Variants in AIFM3 observed in about 807,000 individuals in gnomAD.
AIFM3 encodes apoptosis-inducing factor 3.
A neutral mutation model predicts 82.7 loss-of-function variants in AIFM3; 71 were observed. The observed-to-expected ratio is 0.86, with a 90% CI of 0.71 to 1.05. The LOEUF (loss-of-function observed/expected upper bound fraction) is 1.05, where lower values mean the gene tolerates loss of function less well. Among genes scored for constraint, AIFM3 ranks in the 50% least tolerant of loss-of-function variants. AIFM3 has a pLI of 0.00. For missense variants in AIFM3, 748 were observed against 816.7 expected (o/e 0.92, Z 1.03); for synonymous variants, 337 against 329.1 (o/e 1.02, Z -0.26).
chr22:20,968,072 G>GA (rs1923029581), intron 2 of AIFM3, 97 bp downstream of exon 2: 2 of 1,344,202 alleles, frequency 1.5e-6, no homozygotes, highest in Non-Finnish European at 2.0e-6. Context: ...GTAGGCCTCC[G>GA]AAGTAGGTCA....
Position 20,977,949 on chromosome 22 carries a change from C to T in AIFM3, c.1421C>T (p.Ala474Val). 6.2e-7 allele frequency: 1 copy of T among 1,614,180 alleles called. No individual in the cohort carries two copies. The highest frequency in any genetic ancestry group is 8.5e-7 in the Non-Finnish European group (1 of 1,180,026). The change falls in exon 16 of 21, where the codon GCC becomes GTC. Residue 474 changes from alanine (A) to valine (V), a missense_variant. This residue lies in a region of AIFM3 where 393 missense variants were observed against 481.1 expected (regional missense o/e 0.82). Coordinates refer to ENST00000440238, the MANE Select transcript of AIFM3 (RefSeq NM_001386814.1). ...GGCGATGCTGTCACCTTCCCCCTTG[C>T]CTGGAGGAACAACCGCAAAGTGAAC... ...AAGDAVTFPL[A>V]WRNNRKVNIP...
Position 20,973,350 on chromosome 22 carries a change from C to A in AIFM3, c.75C>A (p.Gly25=). Residue 25 remains glycine, a synonymous_variant, in exon 3 of 21, where the codon GGC becomes GGA. Coordinates refer to ENST00000440238, the MANE Select transcript of AIFM3 (RefSeq NM_001386814.1). The stretch of plus-strand genomic sequence containing the variant: ...TGGTGCTGCCTGAGAAGGAGCGAGG[C>A]AAGGAGGAGCTGTCGGCCAGTGGGA... ...IEVVLPEKER[G]KEELSASGKG... 2 of 1,607,388 alleles carry A rather than the reference C, an allele frequency of 1.2e-6. No individual in the cohort carries two copies. Among genetic ancestry groups the A allele is most frequent in the African/African-American group, 1.3e-5 (1 of 74,874 alleles).
At chr22:20,975,513 T>C (rs1923582554) in intron 8 of AIFM3, among the ~76,000 whole-genome samples, 179 bp from the exon 9 acceptor site, 1 of 152,188 alleles carries the variant, frequency 6.6e-6, no homozygotes, top group Non-Finnish European at 1.5e-5. Flanking sequence ...CAAGCGATCC[T>C]CCTGTCTCAG....
chr22:20,971,606 G>A (rs1040640917), intron 2 of AIFM3, among the ~76,000 whole-genome samples: 2 of 152,190 alleles, frequency 1.3e-5, no homozygotes, highest in African/African-American at 4.8e-5. Context: ...AGCCTCTCTG[G>A]GTTCTTGGTT....
chr22:20,970,841 G>A (rs896542095), intron 2 of AIFM3, among the ~76,000 whole-genome samples: 1 of 152,220 alleles, frequency 6.6e-6, no homozygotes, highest in African/African-American at 2.4e-5. Context: ...GGACTCAAGC[G>A]ATCCTCCTGC....
At chr22:20,966,284 C>A (rs1922890915), upstream of AIFM3, among the ~76,000 whole-genome samples, 1 of 152,092 alleles carries the variant, frequency 6.6e-6, no homozygotes, top group Non-Finnish European at 1.5e-5. Context: ...CAGGAAGGGA[C>A]AGCCTAGTGC....
chr22:20,980,071 C>T lies in AIFM3; in HGVS notation c.1704C>T (p.Ser568=). ...GCATGAACTACGATCCCATTGTGTCCAAGGTCGCTGAGGTGCTGGCCTCAG... is the reference window on the plus strand; with the variant it reads ...GCATGAACTACGATCCCATTGTGTCTAAGGTCGCTGAGGTGCTGGCCTCAG... ...VASMNYDPIV[S]KVAEVLASGR... is the part of the protein sequence containing the mutation. Residue 568 remains serine (S), a synonymous_variant, in exon 19 of 21, where the codon TCC becomes TCT. Coordinates refer to ENST00000440238, the MANE Select transcript of AIFM3 (RefSeq NM_001386814.1). 1.9e-6 allele frequency: 3 copies of T among 1,611,250 alleles called. No individual in the cohort carries two copies. The highest frequency in any genetic ancestry group is 1.7e-6 in the Non-Finnish European group (2 of 1,180,000).
At chr22:20,977,813 C>T (rs1194050819) in intron 15 of AIFM3, 37 bp downstream of exon 15, 1 of 1,614,040 alleles carries the variant, frequency 6.2e-7, no homozygotes, top group Non-Finnish European at 8.5e-7. Flanking sequence ...GGACCCGGTG[C>T]TGGGCTGGGA....
rs199601611 is a variant in AIFM3 at position 20,981,040 on chromosome 22, G to A, written c.*9G>A. The stretch of plus-strand genomic sequence containing the variant: ...CGGGGAAAGGATCCTGAGCTCACAT[G>A]CAGTAGACTTGGGCAGGCAAAGGGG... On this transcript the variant is annotated 3_prime_UTR_variant, in exon 21 of 21. Coordinates refer to ENST00000440238, the MANE Select transcript of AIFM3 (RefSeq NM_001386814.1). 162 of 1,614,150 alleles carry A rather than the reference G, an allele frequency of 1.0e-4. No homozygotes were observed. In the African/African-American group the frequency reaches 1.6e-3, roughly 16 times the overall value.
Position 20,977,977 on chromosome 22 carries a change from T to G in AIFM3, c.1449T>G (p.Ile483Met). The G allele has an allele frequency of 1.2e-6, 2 of 1,614,030 alleles. No individual in the cohort carries two copies. The highest frequency in any genetic ancestry group is 1.7e-6 in the Non-Finnish European group (2 of 1,179,986). ...GGAGGAACAACCGCAAAGTGAACATTCCACATTGGCAGATGGCTCATGCTC... is the reference window on the plus strand; with the variant it reads ...GGAGGAACAACCGCAAAGTGAACATGCCACATTGGCAGATGGCTCATGCTC... ...LAWRNNRKVNIPHWQMAHAQG... is the reference protein window; with the variant it reads ...LAWRNNRKVNMPHWQMAHAQG... Residue 483 changes from isoleucine (I) to methionine (M), a missense_variant, in exon 16 of 21, where the codon ATT becomes ATG. Ile to Met is a conservative substitution (Grantham distance 10). Coordinates refer to ENST00000440238, the MANE Select transcript of AIFM3 (RefSeq NM_001386814.1).
chr22:20,971,600 T>A (rs1349201997), intron 2 of AIFM3, among the ~76,000 whole-genome samples: 1 of 152,172 alleles, frequency 6.6e-6, no homozygotes, highest in Non-Finnish European at 1.5e-5. Flanking sequence ...CTCGGCAGCC[T>A]CTCTGGGTTC....
chr22:20,967,998 C>T (rs1177808721), intron 2 of AIFM3, 23 bp downstream of exon 2: 1 of 1,612,156 alleles, frequency 6.2e-7, no homozygotes, highest in South Asian at 1.1e-5. Flanking sequence ...TTCTTGTCTC[C>T]ATCCTTTCTC....
intron 2 of AIFM3, among the ~76,000 whole-genome samples, chr22:20,972,473 G>GA (rs1569146792): frequency 6.7e-6 from 1 of 150,032 alleles, no homozygotes; most frequent in Admixed American, 6.6e-5. Flanking sequence ...TTTAATTTTT[G>GA]AAAAAAATTC....
rs1220120472 is a variant in AIFM3 at position 20,977,975 on chromosome 22, A to G, written c.1447A>G (p.Ile483Val). The change falls in exon 16 of 21, where the codon ATT becomes GTT. Residue 483 changes from isoleucine (I) to valine (V), a missense_variant. By Grantham distance (29) the Ile-to-Val change is conservative. Around this residue, in one of 5 missense-constraint regions of AIFM3, gnomAD observed 393 missense variants for 481.1 expected, o/e 0.82. Coordinates refer to ENST00000440238, the MANE Select transcript of AIFM3 (RefSeq NM_001386814.1). ...LAWRNNRKVN[I>V]PHWQMAHAQG... The stretch of plus-strand genomic sequence containing the variant: ...CTGGAGGAACAACCGCAAAGTGAAC[A>G]TTCCACATTGGCAGATGGCTCATGC... The G allele has an allele frequency of 1.9e-6, 3 of 1,614,128 alleles. No homozygotes were observed. The highest frequency in any genetic ancestry group is 2.2e-5 in the East Asian group (1 of 44,874).
chr22:20,971,349 G>C (rs1923251794), intron 2 of AIFM3, among the ~76,000 whole-genome samples: 1 of 152,196 alleles, frequency 6.6e-6, no homozygotes, highest in Non-Finnish European at 1.5e-5. Context: ...CTCCCTGCTG[G>C]GCTGGGGTCA....
intron 2 of AIFM3, 146 bp from the exon 3 acceptor site, chr22:20,973,161 C>A: frequency 1.1e-6 from 1 of 909,846 alleles, no homozygotes. Context: ...CTTTGCTGGG[C>A]TGGTGGTGCA....
At chr22:20,977,401 G>T in intron 14 of AIFM3, 1 of 602,080 alleles carries the variant, frequency 1.7e-6, no homozygotes, top group Non-Finnish European at 2.9e-6. Context: ...GCCAATTTGG[G>T]TAGGGGCCAA....
chr22:20,979,427 G>T (rs1487872284), intron 17 of AIFM3, 58 bp downstream of exon 17: 3 of 1,396,290 alleles, frequency 2.1e-6, no homozygotes, highest in Non-Finnish European at 3.0e-6. Flanking sequence ...CGGGGCTTGG[G>T]TGTGGGGCGG....
intron 2 of AIFM3, 50 bp from the exon 3 acceptor site, chr22:20,973,257 G>A (rs1255726725): frequency 5.8e-6 from 9 of 1,545,782 alleles, no homozygotes; most frequent in South Asian, 1.2e-5. Context: ...TGAGGGATGG[G>A]GGAGGAAGTT....
Sources: allele counts gnomAD v4.1 joint callset (sites outside exome capture counted in the v4.1 genomes callset), GRCh38; gene constraint gnomAD v4.1.1; regional missense constraint gnomAD v4.1.1; transcripts MANE v1.5; gene names NCBI Gene and HGNC (gene_info 2026-07-23, HGNC 2026-07-21).